The following OLFM2 variants were observed in gnomAD, a reference collection of about 807,000 sequenced individuals.
OLFM2 encodes noelin-2.
A neutral mutation model predicts 43.9 loss-of-function variants in OLFM2; 20 were observed. The ratio of observed to expected loss-of-function variants is 0.46; its 90% CI spans 0.32 to 0.66. The LOEUF (loss-of-function observed/expected upper bound fraction) is 0.66, where lower values mean the gene tolerates loss of function less well. Ranked by LOEUF, OLFM2 falls within the 30% of genes least tolerant of loss-of-function variation. The pLI, the probability that OLFM2 is intolerant of heterozygous loss-of-function variation, is 0.04. For missense variants in OLFM2, 416 were observed against 643.6 expected (o/e 0.65, Z 3.83); for synonymous variants, 268 against 278.6 (o/e 0.96, Z 0.38).
At chr19:9,878,377 C>CTT (rs2046509379) in intron 1 of OLFM2, among the ~76,000 whole-genome samples, 2 of 75,216 alleles carry the variant, frequency 2.7e-5, no homozygotes, top group Non-Finnish European at 3.2e-5. Flanking sequence ...AGTTTCATTT[C>CTT]TCTCTTTTTT....
At chr19:9,866,099 T>C (rs2046400726) in intron 1 of OLFM2, among the ~76,000 whole-genome samples, 1 of 152,218 alleles carries the variant, frequency 6.6e-6, no homozygotes. Context: ...ATGGTTTTCC[T>C]AAAATAATTG....
intron 1 of OLFM2, among the ~76,000 whole-genome samples, chr19:9,936,066 C>A (rs1357228960): frequency 6.6e-6 from 1 of 152,088 alleles, no homozygotes; most frequent in African/African-American, 2.4e-5. Context: ...GGTTGAGAAC[C>A]CCAAAGACGC....
At position 9,854,397 on chromosome 19, in the gene OLFM2, G is replaced by A; in HGVS notation, c.1154C>T (p.Ser385Phe). 6.2e-7 allele frequency: 1 copy of A among 1,614,218 alleles called. No individual in the cohort carries two copies. Among genetic ancestry groups the A allele is most frequent in the Non-Finnish European group, 8.5e-7 (1 of 1,180,036 alleles). ...MICGVLYVTN[S>F]HLAGAKVYFA... ...GTAGACCTTGGCCCCAGCCAGGTGG[G>A]AGTTGGTCACGTAGAGCACACCGCA... is the stretch of plus-strand genomic sequence containing the variant. The change falls in exon 6 of 6, where the codon TCC becomes TTC. Residue 385 changes from serine (S) to phenylalanine (F), a missense_variant. Ser to Phe is a radical substitution (Grantham distance 155, BLOSUM62 -2). Coordinates refer to ENST00000264833, the MANE Select transcript of OLFM2 (RefSeq NM_058164.4). This position sits in a 1 kb window ranked among gnomAD's most constrained non-coding sequence, Gnocchi z 9.5.
At chr19:9,893,013 T>C (rs2046651596) in intron 1 of OLFM2, among the ~76,000 whole-genome samples, 1 of 152,132 alleles carries the variant, frequency 6.6e-6, no homozygotes, top group Admixed American at 6.6e-5. Flanking sequence ...AGCCCTGATC[T>C]ACCCAGGACT....
chr19:9,883,424 G>T (rs1169409811), intron 1 of OLFM2, among the ~76,000 whole-genome samples: 1 of 152,040 alleles, frequency 6.6e-6, no homozygotes, highest in East Asian at 1.9e-4. Flanking sequence ...AGGGGAGGGG[G>T]TAGTGGCGGC....
At chr19:9,878,292 G>T (rs2046508427) in intron 1 of OLFM2, among the ~76,000 whole-genome samples, 1 of 151,460 alleles carries the variant, frequency 6.6e-6, no homozygotes, top group South Asian at 2.1e-4. Flanking sequence ...TGGGAACACA[G>T]AAAGGTGGGC....
chr19:9,923,094 A>G (rs192713803), intron 1 of OLFM2, among the ~76,000 whole-genome samples: 1 of 152,220 alleles, frequency 6.6e-6, no homozygotes, highest in East Asian at 1.9e-4. Flanking sequence ...TGACCCAGCA[A>G]TTCCACTCCT....
At chr19:9,880,505 G>T (rs1272410217) in intron 1 of OLFM2, among the ~76,000 whole-genome samples, 3 of 152,188 alleles carry the variant, frequency 2.0e-5, no homozygotes, top group Non-Finnish European at 4.4e-5. Flanking sequence ...GCTAAGGTGG[G>T]AGGATCACTT....
intron 1 of OLFM2, among the ~76,000 whole-genome samples, chr19:9,908,464 A>ATTTTTTTTTTTTTT (rs34305631): frequency 2.5e-5 from 1 of 40,364 alleles, no homozygotes; most frequent in African/African-American, 1.2e-4. Context: ...CACCTGGCTA[A>ATTTTTTTTTTTTTT]TTTTTTTTTT....
rs774421219 is a variant in OLFM2, at chr19:9,854,201, G to A, written c.1350C>T (p.Thr450=). ...YNVTLFHVIS[T]SGDP ...CAGCATTGGCTCAGGGGTCCCCAGA[G>A]GTGCTGATGACGTGAAACAGGGTGA... The change falls in exon 6 of 6, where the codon ACC becomes ACT. Residue 450 remains threonine, a synonymous_variant. Coordinates refer to ENST00000264833, the MANE Select transcript of OLFM2 (RefSeq NM_058164.4). The surrounding 1 kb of genome is among the most constrained non-coding windows in gnomAD (Gnocchi z 9.5). The A allele has an allele frequency of 2.5e-6, 4 of 1,614,158 alleles. No individual in the cohort carries two copies. The highest frequency in any genetic ancestry group is 3.4e-6 in the Non-Finnish European group (4 of 1,180,018).
At chr19:9,923,375 T>C (rs1442575599) in intron 1 of OLFM2, among the ~76,000 whole-genome samples, 1 of 151,258 alleles carries the variant, frequency 6.6e-6, no homozygotes, top group Admixed American at 6.6e-5. Context: ...GCCAACATGG[T>C]GAAATCCTGT....
chr19:9,865,827 A>G (rs913667972), intron 1 of OLFM2, among the ~76,000 whole-genome samples: 1 of 149,442 alleles, frequency 6.7e-6, no homozygotes, highest in Non-Finnish European at 1.5e-5. Flanking sequence ...TAAAAAAAAA[A>G]AAAAAAAACA....
At chr19:9,865,650 C>A (rs183112835) in intron 1 of OLFM2, among the ~76,000 whole-genome samples, 2 of 151,300 alleles carry the variant, frequency 1.3e-5, no homozygotes, top group East Asian at 3.9e-4. Flanking sequence ...CACCACCACG[C>A]CTGGCTAATT....
chr19:9,853,863 G>A lies in OLFM2; in HGVS notation c.*323C>T. ...GGAATGGGTGGGAAGCAAGGAGGGA[G>A]GGGTGGAAGGACAGAGAGAGAGAGA... On this transcript the variant is annotated 3_prime_UTR_variant, in exon 6 of 6. Coordinates refer to ENST00000264833, the MANE Select transcript of OLFM2 (RefSeq NM_058164.4). The A allele has an allele frequency of 1.9e-6, 1 of 524,470 alleles. No individual in the cohort carries two copies. The highest frequency in any genetic ancestry group is 3.3e-6 in the Non-Finnish European group (1 of 300,790). 32.5% of individuals were successfully genotyped at this position (524,470 alleles called of 1,614,324 possible). A position where few individuals can be genotyped will look rare whatever the true frequency, so the allele number is the denominator to read the frequency against.
rs781495463 is a variant in OLFM2, at chr19:9,854,793, T to C, written c.758A>G (p.Lys253Arg). 1.2e-6 allele frequency: 2 copies of C among 1,610,418 alleles called. No homozygotes were observed. Among genetic ancestry groups the C allele is most frequent in the South Asian group, 1.1e-5 (1 of 90,938 alleles). Residue 253 changes from lysine to arginine, a missense_variant, in exon 6 of 6, where the codon AAA becomes AGA. Coordinates refer to ENST00000264833, the MANE Select transcript of OLFM2 (RefSeq NM_058164.4). The surrounding 1 kb of genome is among the most constrained non-coding windows in gnomAD (Gnocchi z 9.5). ...LEFRTLGDFI[K>R]GQNFIQHLLP... ...CAGGTGCTGGATAAAGTTCTGGCCT[T>C]TGATGAAGTCTCCCAGGGTACGGAA...
At position 9,880,206 on chromosome 19, in the gene OLFM2, T is replaced by G. The variant is rs540875764; in HGVS notation, c.64-19412A>C. 3.9e-5 allele frequency among the ~76,000 whole-genome samples: 6 copies of G among 152,220 alleles called. No individual in the cohort carries two copies. The East Asian group carries it at 1.2e-3, about 29-fold the overall frequency. On this transcript the variant is annotated intron_variant, in intron 1 of 5. Coordinates refer to ENST00000264833, the MANE Select transcript of OLFM2 (RefSeq NM_058164.4). ...GGTGTAGCAATGGCCTTCTGGAAGA[T>G]GCAATAGCTAAGTTTACGGATGTAG...
At position 9,857,032 on chromosome 19, in the gene OLFM2, C is replaced by G. The variant is rs1181381109; in HGVS notation, c.581-119G>C. On this transcript the variant is annotated intron_variant, in intron 4 of 5. Transcript: ENST00000264833. This position sits in a 1 kb window ranked among gnomAD's most constrained non-coding sequence, Gnocchi z 5.7. ...CTGGGACCAGGGATGAGGGAAGACT[C>G]AAAAATCTGGTCCCAATATGTTGTT... 1 of 934,552 alleles carries G rather than the reference C, an allele frequency of 1.1e-6. No homozygotes were observed. The highest frequency in any genetic ancestry group is 1.7e-6 in the Non-Finnish European group (1 of 599,438). The allele number at this position is 934,552 out of a possible 1,614,324, so 57.9% of individuals were successfully genotyped here. A position where few individuals can be genotyped will look rare whatever the true frequency, so the allele number is the denominator to read the frequency against.
chr19:9,901,427 AAAACAAAC>A lies in OLFM2; in HGVS notation c.63+34869_63+34876del, dbSNP rs140596781. ...GGCGACAGAGTGAGACTCTGTCTCA[AAAACAAAC>A]AAACAAACAAACAAACAAACAAAAA... On this transcript the variant is annotated intron_variant, in intron 1 of 5. Coordinates refer to ENST00000264833, the MANE Select transcript of OLFM2 (RefSeq NM_058164.4). Among the ~76,000 whole-genome samples, 538 of 151,722 alleles carry A rather than the reference AAAACAAAC, an allele frequency of 3.5e-3. 4 individuals are homozygous for A. The highest frequency in any genetic ancestry group is 0.021 in the Middle Eastern group (6 of 292).
At chr19:9,935,887 C>T (rs1252220203) in intron 1 of OLFM2, among the ~76,000 whole-genome samples, 1 of 152,194 alleles carries the variant, frequency 6.6e-6, no homozygotes, top group Non-Finnish European at 1.5e-5. Flanking sequence ...CCCTGCCCCA[C>T]ACTGGGGGCT....
Sources: gnomAD v4.1 joint callset for allele counts (sites outside exome capture counted in the v4.1 genomes callset) on GRCh38, gnomAD v4.1.1 for gene constraint, Gnocchi (gnomAD v3.1) non-coding constraint, MANE v1.5 for transcripts, NCBI Gene and HGNC (gene_info 2026-07-23, HGNC 2026-07-21) for gene names.